NPIPB11: variants seen among roughly 807,000 people sequenced by gnomAD.
NPIPB11 encodes nuclear pore complex-interacting protein family member B11.
NPIPB11 carries 17 observed loss-of-function variants against 32.8 expected under a neutral mutation model. The observed-to-expected ratio is 0.52, with a 90% confidence interval of 0.35 to 0.78. NPIPB11 has a LOEUF of 0.78. NPIPB11 is among the 30% of genes least tolerant of loss of function. NPIPB11 has a pLI of 0.01. For missense variants in NPIPB11, 537 were observed against 1,000.4 expected (o/e 0.54, Z 6.25); for synonymous variants, 209 against 398.4 (o/e 0.52, Z 5.66).
intron 2 of NPIPB11, among the ~76,000 whole-genome samples, chr16:29,402,652 A>G (rs1393678376): frequency 7.0e-6 from 1 of 142,066 alleles, no homozygotes; most frequent in Non-Finnish European, 1.5e-5. Context: ...GCAGTGAGCC[A>G]AGATTGTGCC....
In NPIPB11 at chr16:29,393,463, A is replaced by C. The variant is rs149340916; in HGVS notation, c.249+485T>G. Among the ~76,000 whole-genome samples, 762 of 152,198 alleles carry C rather than the reference A, an allele frequency of 5.0e-3. 14 individuals carry two copies. Among genetic ancestry groups the C allele is most frequent in the African/African-American group, 0.017 (725 of 41,494 alleles). On this transcript the variant is annotated intron_variant, in intron 3 of 7. Coordinates refer to ENST00000524087, the Ensembl canonical transcript of NPIPB11. The stretch of plus-strand genomic sequence containing the variant: ...CAGAAGAGGGTGCTCTTTAAGCATC[A>C]ACCACCCGGCAGTTCTAGCAGTCTC...
At chr16:29,390,850 C>A (rs1360582421) in intron 3 of NPIPB11, among the ~76,000 whole-genome samples, 4 of 150,690 alleles carry the variant, frequency 2.7e-5, no homozygotes, top group African/African-American at 9.8e-5. Context: ...GTAATCCCAG[C>A]TAGTCGGGAG....
rs780289930 is a variant in NPIPB11, at chr16:29,393,943, C to T, written c.249+5G>A. 4 of 1,588,818 alleles carry T rather than the reference C, an allele frequency of 2.5e-6. No homozygotes were observed. The highest frequency in any genetic ancestry group is 2.2e-5 in the East Asian group (1 of 44,780). On this transcript the variant is annotated splice_donor_5th_base_variant and intron_variant, in intron 3 of 7. Transcript: ENST00000524087. ...TATACCTCTACAGAAAGTTAGTATA[C>T]TCACCCAAAGGTAAACTATCCAGAG... is the stretch of plus-strand genomic sequence containing the variant.
At chr16:29,391,533 T>C (rs1265143303) in intron 3 of NPIPB11, among the ~76,000 whole-genome samples, 1 of 148,414 alleles carries the variant, frequency 6.7e-6, no homozygotes, top group Non-Finnish European at 1.5e-5. Flanking sequence ...ATCAGCTTCA[T>C]TGAGGCTGGT....
chr16:29,405,502 C>G (rs550129941), upstream of NPIPB11, among the ~76,000 whole-genome samples: 1 of 152,120 alleles, frequency 6.6e-6, no homozygotes, highest in East Asian at 1.9e-4. Flanking sequence ...TGCAGTCATT[C>G]CCACACATTA....
intron 2 of NPIPB11, among the ~76,000 whole-genome samples, chr16:29,401,242 C>A (rs1963984502): frequency 6.6e-6 from 1 of 152,086 alleles, no homozygotes; most frequent in South Asian, 2.1e-4. Flanking sequence ...CTGGATTTAA[C>A]TTAAAGGAAC....
intron 5 of NPIPB11, among the ~76,000 whole-genome samples, chr16:29,389,245 A>G (rs1294749545): frequency 6.7e-6 from 1 of 150,106 alleles, no homozygotes; most frequent in East Asian, 2.0e-4. Context: ...CACAGCTGTA[A>G]TCCAAGCTAC....
chr16:29,389,499 C>A (rs1319688475), intron 5 of NPIPB11, among the ~76,000 whole-genome samples: 2 of 147,760 alleles, frequency 1.4e-5, no homozygotes, highest in Non-Finnish European at 3.0e-5. Flanking sequence ...CATGGTGAAA[C>A]CCCATCTCTA....
At chr16:29,384,356 C>G in intron 7 of NPIPB11, 67 bp from the exon 8 acceptor site, 1 of 556,220 alleles carries the variant, frequency 1.8e-6, no homozygotes. Flanking sequence ...CCGCCACCAA[C>G]ACAGTCTGCA....
upstream of NPIPB11, among the ~76,000 whole-genome samples, chr16:29,406,456 G>T (rs1964116339): frequency 6.6e-6 from 1 of 152,214 alleles, no homozygotes. Flanking sequence ...CGTCACTCAT[G>T]CCTGTAATCC....
upstream of NPIPB11, among the ~76,000 whole-genome samples, chr16:29,406,042 G>A (rs1290470101): frequency 9.7e-4 from 147 of 151,862 alleles, no homozygotes; most frequent in Non-Finnish European, 1.6e-3. Flanking sequence ...ATTCTGTTTT[G>A]ATCAAGTGTT....
At chr16:29,395,660 T>C (rs933149988) in intron 2 of NPIPB11, among the ~76,000 whole-genome samples, 11 of 144,370 alleles carry the variant, frequency 7.6e-5, no homozygotes, top group African/African-American at 2.3e-4. Flanking sequence ...CATTCACAAA[T>C]AAGTATCAAA....
chr16:29,381,496 C>T (rs1440843251), exon 8 of NPIPB11: 5 of 1,241,010 alleles, frequency 4.0e-6, no homozygotes, highest in East Asian at 5.1e-5. Flanking sequence ...TCCACGTCAG[C>T]GGCCCTCCGC....
intron 2 of NPIPB11, among the ~76,000 whole-genome samples, chr16:29,399,093 A>T (rs1963927632): frequency 6.6e-6 from 1 of 150,804 alleles, no homozygotes; most frequent in East Asian, 2.0e-4. Context: ...TGGCAGCATC[A>T]TGTGTGATGG....
At chr16:29,401,957 G>C (rs1291719420) in intron 2 of NPIPB11, among the ~76,000 whole-genome samples, 7 of 151,124 alleles carry the variant, frequency 4.6e-5, no homozygotes, top group Admixed American at 6.6e-5. Flanking sequence ...GCCCATCCTA[G>C]CAGGCATGCA....
chr16:29,406,332 G>A (rs1191251964), upstream of NPIPB11, among the ~76,000 whole-genome samples: 2 of 152,270 alleles, frequency 1.3e-5, no homozygotes, highest in Non-Finnish European at 2.9e-5. Context: ...TGATATACGT[G>A]TTCCAAAAAT....
intron 2 of NPIPB11, among the ~76,000 whole-genome samples, chr16:29,402,812 A>G (rs1478002076): frequency 7.3e-6 from 1 of 136,694 alleles, no homozygotes; most frequent in Non-Finnish European, 1.5e-5. Context: ...TGAGATTATC[A>G]TTTTAAAAGA....
At chr16:29,383,198 A>C (rs542093759) in exon 8 of NPIPB11, 242 of 1,565,976 alleles carry the variant, frequency 1.5e-4, no homozygotes, top group Non-Finnish European at 4.3e-6. Flanking sequence ...TCTTGATATT[A>C]TCATCTGCTG....
At chr16:29,402,457 C>T (rs1269695936) in intron 2 of NPIPB11, among the ~76,000 whole-genome samples, 1 of 108,844 alleles carries the variant, frequency 9.2e-6, no homozygotes, top group Admixed American at 9.5e-5. Flanking sequence ...ATAGTCCCAG[C>T]ACTTTGGGAG....
Sources: gnomAD v4.1 joint callset for allele counts (sites outside exome capture counted in the v4.1 genomes callset) on GRCh38, gnomAD v4.1.1 for gene constraint, MANE v1.5 for transcripts, NCBI Gene and HGNC (gene_info 2026-07-23, HGNC 2026-07-21) for gene names.